Variants in FASTKD2 observed in about 807,000 individuals in gnomAD.
FASTKD2 encodes FAST kinase domains 2.
A neutral mutation model predicts 63.6 loss-of-function variants in FASTKD2; 51 were observed. That is an observed-to-expected ratio of 0.80 (90% CI 0.64 to 1.01). FASTKD2 has a LOEUF of 1.01. FASTKD2 is among the 50% of genes least tolerant of loss of function. The pLI, the probability that FASTKD2 is intolerant of heterozygous loss-of-function variation, is 0.00. For synonymous variants in FASTKD2, 284 were observed against 293.4 expected (o/e 0.97, Z 0.33); for missense variants, 786 against 831.1 (o/e 0.95, Z 0.67).
intron 6 of FASTKD2, among the ~76,000 whole-genome samples, chr2:206,773,316 CAA>C (rs869141094): frequency 0.015 from 1,036 of 68,094 alleles, 18 homozygotes; most frequent in African/African-American, 0.047. Context: ...AACTCTGTCT[CAA>C]AAAAAAAAAA....
At chr2:206,781,419 G>T (rs963157661) in intron 7 of FASTKD2, among the ~76,000 whole-genome samples, 20 of 146,028 alleles carry the variant, frequency 1.4e-4, no homozygotes, top group African/African-American at 4.8e-4. Context: ...AGGTTCAAGC[G>T]ATTCTCCTGT....
At chr2:206,778,118 G>GT (rs1689872819) in intron 7 of FASTKD2, among the ~76,000 whole-genome samples, 2 of 151,540 alleles carry the variant, frequency 1.3e-5, no homozygotes, top group African/African-American at 2.4e-5. Context: ...CGTTTTGTTG[G>GT]TTTTTTCTAC....
At chr2:206,782,854 T>A (rs1321135208) in intron 7 of FASTKD2, among the ~76,000 whole-genome samples, 1 of 152,136 alleles carries the variant, frequency 6.6e-6, no homozygotes, top group Non-Finnish European at 1.5e-5. Flanking sequence ...GTCAAGTTCT[T>A]ATGACAATGC....
At chr2:206,773,776 A>T (rs1485424889) in intron 6 of FASTKD2, among the ~76,000 whole-genome samples, 2 of 152,168 alleles carry the variant, frequency 1.3e-5, no homozygotes, top group Non-Finnish European at 2.9e-5. Flanking sequence ...ATAGGTATGA[A>T]TATTAAATAT....
chr2:206,790,820 A>T, intron 11 of FASTKD2, 134 bp downstream of exon 11: 1 of 701,812 alleles, frequency 1.4e-6, no homozygotes, highest in East Asian at 2.6e-5. Flanking sequence ...TGCTTTAGTT[A>T]CTGTTTTCTT....
Position 206,765,607 on chromosome 2 carries a change from A to T in FASTKD2, c.-191A>T. On this transcript the variant is annotated 5_prime_UTR_variant, in exon 1 of 12. Coordinates refer to ENST00000402774, the MANE Select transcript of FASTKD2 (RefSeq NM_001136193.2). ...TCGTGAGAAGCGCAGCTTCTCGGGG[A>T]AGCTGTCATGGCTGCTCCTGTACGT... 1.0e-6 allele frequency: 1 copy of T among 959,504 alleles called. No individual in the cohort carries two copies. Among genetic ancestry groups the T allele is most frequent in the Non-Finnish European group, 1.3e-6 (1 of 781,610 alleles). The allele number at this position is 959,504 out of a possible 1,614,324, so 59.4% of individuals were successfully genotyped here. A position where few individuals can be genotyped will look rare whatever the true frequency, so the allele number is the denominator to read the frequency against.
chr2:206,776,416 T>C (rs1689826210), intron 7 of FASTKD2, among the ~76,000 whole-genome samples: 1 of 152,052 alleles, frequency 6.6e-6, no homozygotes, highest in South Asian at 2.1e-4. Flanking sequence ...CCTGCACTTT[T>C]GGTATCATAT....
intron 9 of FASTKD2, 90 bp from the exon 10 acceptor site, chr2:206,788,729 C>T (rs572003964): frequency 1.6e-6 from 1 of 610,870 alleles, no homozygotes; most frequent in African/African-American, 3.3e-5. Flanking sequence ...GAGACCACAT[C>T]TCAAAAAAAA....
At chr2:206,783,554 G>A (rs1477982407) in intron 7 of FASTKD2, among the ~76,000 whole-genome samples, 2 of 152,104 alleles carry the variant, frequency 1.3e-5, no homozygotes, top group Non-Finnish European at 1.5e-5. Context: ...ATCAAGCTAA[G>A]TGGTAATTAA....
rs531321012 is a variant in FASTKD2, at chr2:206,780,288, G to A, written c.1427+5891G>A. The stretch of plus-strand genomic sequence containing the variant: ...GTCTTTAGCGTTTAGTTTAAGAAAA[G>A]ACTAGTAATGACAGTTTTCCTTGGC... On this transcript the variant is annotated intron_variant, in intron 7 of 11. Coordinates refer to ENST00000402774, the MANE Select transcript of FASTKD2 (RefSeq NM_001136193.2). Among the ~76,000 whole-genome samples the A allele has an allele frequency of 6.6e-5, 10 of 152,292 alleles. No individual in the cohort carries two copies. In the East Asian group the frequency reaches 1.9e-3, roughly 29 times the overall value.
rs1447399127 is a variant in FASTKD2, at chr2:206,766,647, A to G, written c.-47A>G. On this transcript the variant is annotated 5_prime_UTR_variant, in exon 2 of 12. Transcript: ENST00000402774. The stretch of plus-strand genomic sequence containing the variant: ...TTCATTACTTCTTCCCCTACAGGAA[A>G]ACGACAGCACGTGTTCTTTTTCACT... 5 of 1,522,216 alleles carry G rather than the reference A, an allele frequency of 3.3e-6. No individual in the cohort carries two copies. Among genetic ancestry groups the G allele is most frequent in the East Asian group, 2.3e-5 (1 of 44,426 alleles). The allele number at this position is 1,522,216 out of a possible 1,614,324, so 94.3% of individuals were successfully genotyped here. A position where few individuals can be genotyped will look rare whatever the true frequency, so the allele number is the denominator to read the frequency against.
chr2:206,788,833 A>G lies in FASTKD2; in HGVS notation c.1828A>G (p.Met610Val), dbSNP rs761077364. 1.0e-5 allele frequency: 16 copies of G among 1,543,578 alleles called. No individual in the cohort carries two copies. The South Asian group carries it at 1.8e-4, about 17-fold the overall frequency. The change falls in exon 10 of 12, where the codon ATG (methionine) becomes GTG (valine). Residue 610 changes from methionine (M) to valine (V), a missense_variant. Physicochemically the swap from Met to Val is conservative, Grantham distance 21. Coordinates refer to ENST00000402774, the MANE Select transcript of FASTKD2 (RefSeq NM_001136193.2). ...TTTCCTTTCAGATTTTGAAATCAGAATGGACACTAACAGGAATCAAGTGCT... is the reference window on the plus strand; with the variant it reads ...TTTCCTTTCAGATTTTGAAATCAGAGTGGACACTAACAGGAATCAAGTGCT... Reference protein sequence around the residue: ...HNYHIDFEIRMDTNRNQVLPL... With the variant: ...HNYHIDFEIRVDTNRNQVLPL...
rs572401611 is a variant in FASTKD2 at position 206,766,276 on chromosome 2, A to C, written c.-50-368A>C. ...CTTTGTCTCAAAAAAAAAAAAAAAA[A>C]AAAAAAAAACAGAGAAGAGAAAAGA... On this transcript the variant is annotated intron_variant, in intron 1 of 11. Coordinates refer to ENST00000402774, the MANE Select transcript of FASTKD2 (RefSeq NM_001136193.2). Among the ~76,000 whole-genome samples, 118 of 151,256 alleles carry C rather than the reference A, an allele frequency of 7.8e-4. 3 individuals are homozygous for C. Among genetic ancestry groups the C allele is most frequent in the African/African-American group, 2.4e-3 (100 of 41,304 alleles).
At chr2:206,783,843 C>G (rs1690061506) in intron 7 of FASTKD2, among the ~76,000 whole-genome samples, 2 of 152,046 alleles carry the variant, frequency 1.3e-5, no homozygotes, top group South Asian at 2.1e-4. Context: ...ATTTTGCCTC[C>G]CAGGGGACAT....
At chr2:206,771,345 C>T (rs1347740318) in intron 4 of FASTKD2, 55 bp downstream of exon 4, 2 of 1,036,844 alleles carry the variant, frequency 1.9e-6, no homozygotes, top group Non-Finnish European at 3.0e-6. Context: ...TTTCTTATAA[C>T]CTGCTATCAC....
In FASTKD2 at chr2:206,792,044, A is replaced by C. The variant is rs1003235715; in HGVS notation, c.*242A>C. On this transcript the variant is annotated 3_prime_UTR_variant, in exon 12 of 12. Coordinates refer to ENST00000402774, the MANE Select transcript of FASTKD2 (RefSeq NM_001136193.2). ...ATTCCCTCTAGTGCCCAGATATTTGATTTGTGAGCTGTACGTTTCACCTTT... is the reference window on the plus strand; with the variant it reads ...ATTCCCTCTAGTGCCCAGATATTTGCTTTGTGAGCTGTACGTTTCACCTTT... The C allele has an allele frequency of 4.0e-6, 2 of 502,094 alleles. No individual in the cohort carries two copies. The highest frequency in any genetic ancestry group is 7.2e-6 in the Non-Finnish European group (2 of 278,640). The allele number at this position is 502,094 out of a possible 1,614,324, so 31.1% of individuals were successfully genotyped here.
chr2:206,795,593 C>T lies in FASTKD2; in HGVS notation c.*3791C>T, dbSNP rs1465725160. 1.3e-5 allele frequency among the ~76,000 whole-genome samples: 2 copies of T among 152,168 alleles called. No homozygotes were observed. The highest frequency in any genetic ancestry group is 2.1e-4 in the South Asian group (1 of 4,830). ...TTGTGCACACAGGTGTGCCGTGACT[C>T]ACTGGTGGATCCAAAAAAAGCTGAA... is the stretch of plus-strand genomic sequence containing the variant. On this transcript the variant is annotated 3_prime_UTR_variant, in exon 12 of 12. Coordinates refer to ENST00000402774, the MANE Select transcript of FASTKD2 (RefSeq NM_001136193.2).
In FASTKD2 at chr2:206,766,792, A is replaced by G. The variant is rs768701270; in HGVS notation, c.99A>G (p.Thr33=). The G allele has an allele frequency of 3.1e-6, 5 of 1,613,240 alleles. No homozygotes were observed. Among genetic ancestry groups the G allele is most frequent in the South Asian group, 2.2e-5 (2 of 90,962 alleles). The part of the protein sequence containing the change: ...SFFWNLRQFS[T]LVSTSRTMRL... ...TCTGGAACCTTAGACAATTCAGTACATTAGTTTCAACAAGCAGAACTATGA... is the reference window on the plus strand; with the variant it reads ...TCTGGAACCTTAGACAATTCAGTACGTTAGTTTCAACAAGCAGAACTATGA... The change falls in exon 2 of 12, where the codon ACA becomes ACG. Residue 33 remains threonine (T), a synonymous_variant. Coordinates refer to ENST00000402774, the MANE Select transcript of FASTKD2 (RefSeq NM_001136193.2).
At chr2:206,769,976 G>T in intron 2 of FASTKD2, 115 bp from the exon 3 acceptor site, 1 of 733,760 alleles carries the variant, frequency 1.4e-6, no homozygotes, top group Non-Finnish European at 2.5e-6. Context: ...TGTAGGAATT[G>T]TTGGTTTGAT....
Sources: gnomAD v4.1 joint callset for allele counts (sites outside exome capture counted in the v4.1 genomes callset) on GRCh38, gnomAD v4.1.1 for gene constraint, MANE v1.5 for transcripts, NCBI Gene and HGNC (gene_info 2026-07-23, HGNC 2026-07-21) for gene names.